Variants in UBR4 observed in about 807,000 individuals in gnomAD.
UBR4 encodes E3 ubiquitin-protein ligase UBR4.
In UBR4, 124 loss-of-function variants were observed where a neutral mutation model predicts 575.6. The ratio of observed to expected loss-of-function variants is 0.22; its 90% CI spans 0.19 to 0.25. UBR4 has a LOEUF of 0.25. Ranked by LOEUF, UBR4 falls within the 10% of genes least tolerant of loss-of-function variation. The pLI is 1.00. For missense variants in UBR4, 4,818 were observed against 6,478.8 expected (o/e 0.74, Z 8.80); for synonymous variants, 2,455 against 2,473.7 (o/e 0.99, Z 0.22).
intron 90 of UBR4, 106 bp from the exon 91 acceptor site, chr1:19,097,386 A>G (rs933850321): frequency 3.6e-6 from 3 of 832,952 alleles, no homozygotes; most frequent in African/African-American, 1.7e-5. Context: ...GAGAGCCTCT[A>G]TTTTTCTACA....
At chr1:19,126,366 T>G in intron 64 of UBR4, 80 bp downstream of exon 64, 1 of 1,556,338 alleles carries the variant, frequency 6.4e-7, no homozygotes, top group Non-Finnish European at 8.8e-7. Context: ...CTCAGCCCCT[T>G]GAGCTCTCTG....
intron 99 of UBR4, among the ~76,000 whole-genome samples, chr1:19,087,176 G>C (rs2077096957): frequency 6.6e-6 from 1 of 152,232 alleles, no homozygotes; most frequent in Admixed American, 6.5e-5. Flanking sequence ...TTCAAAACCT[G>C]CTGGGCAGCT....
chr1:19,094,300 T>C (rs976539016), intron 94 of UBR4, among the ~76,000 whole-genome samples, 161 bp from the exon 95 acceptor site: 1 of 152,104 alleles, frequency 6.6e-6, no homozygotes, highest in Non-Finnish European at 1.5e-5. Context: ...ACAGTCGGAG[T>C]TTCACTTGAG....
Position 19,185,206 on chromosome 1 carries a change from G to C in UBR4, c.1831C>G (p.Pro611Ala), listed in dbSNP as rs1473926603. Residue 611 changes from proline (P) to alanine (A), a missense_variant, in exon 15 of 106, where the codon CCT becomes GCT. Coordinates refer to ENST00000375254, the MANE Select transcript of UBR4 (RefSeq NM_020765.3). ...CTTTCCAGTGGAGGAGGTGGGGGAG[G>C]AGGCGGAGGTGCTGCTTTCTCTTTA... ...PSKEKAAPPP[P>A]PPPPPLESSP... The C allele has an allele frequency of 6.2e-7, 1 of 1,613,954 alleles. No homozygotes were observed. Among genetic ancestry groups the C allele is most frequent in the Admixed American group, 1.7e-5 (1 of 59,980 alleles).
chr1:19,100,404 G>C lies in UBR4; in HGVS notation c.13193C>G (p.Ala4398Gly), dbSNP rs1430172569. ...NKICQDCDLV[A>G]LLEDDSGMEL... ...CATGCCACTGTCATCTTCCAGGAGG[G>C]CCACTAAGTCACAGTCCTGGCAAAT... is the stretch of plus-strand genomic sequence containing the variant. The change falls in exon 89 of 106, where the codon GCC becomes GGC. Residue 4398 changes from alanine (A) to glycine (G), a missense_variant. Ala to Gly is a moderately conservative substitution (Grantham distance 60). This residue lies in a region of UBR4 where 105 missense variants were observed against 232.8 expected (regional missense o/e 0.45). Transcript: ENST00000375254. This position sits in a 1 kb window ranked among gnomAD's most constrained non-coding sequence, Gnocchi z 4.2. 1 of 1,614,126 alleles carries C rather than the reference G, an allele frequency of 6.2e-7. No individual in the cohort carries two copies. Among genetic ancestry groups the C allele is most frequent in the Admixed American group, 1.7e-5 (1 of 60,022 alleles).
intron 103 of UBR4, chr1:19,080,172 G>T (rs931628793): frequency 6.6e-6 from 1 of 152,174 alleles, no homozygotes; most frequent in African/African-American, 2.4e-5. Flanking sequence ...TCTAACTTTT[G>T]ATTTCCAGCA....
intron 105 of UBR4, 56 bp downstream of exon 105, chr1:19,076,684 G>T: frequency 6.2e-7 from 1 of 1,610,666 alleles, no homozygotes; most frequent in South Asian, 1.1e-5. Flanking sequence ...ACCCACGGAG[G>T]AAGACATGGG....
chr1:19,120,139 T>C (rs1212087935), intron 69 of UBR4, 41 bp downstream of exon 69: 2 of 1,606,136 alleles, frequency 1.2e-6, no homozygotes, highest in Non-Finnish European at 1.7e-6. Context: ...CACCCTGGCC[T>C]CACACCCTTG....
intron 7 of UBR4, 80 bp from the exon 8 acceptor site, chr1:19,197,345 T>G (rs964910075): frequency 5.4e-5 from 85 of 1,584,458 alleles, no homozygotes; most frequent in Non-Finnish European, 7.2e-5. Flanking sequence ...ATTATCAGCA[T>G]GGGCCCGGCA....
intron 19 of UBR4, 112 bp downstream of exon 19, chr1:19,177,349 A>T: frequency 7.1e-7 from 1 of 1,414,320 alleles, no homozygotes; most frequent in Non-Finnish European, 9.6e-7. Context: ...TCAACCTACC[A>T]AAACCTAAAA....
In UBR4 at chr1:19,093,851, T is replaced by C; in HGVS notation, c.13937+98A>G. 1 of 1,373,236 alleles carries C rather than the reference T, an allele frequency of 7.3e-7. No individual in the cohort carries two copies. Among genetic ancestry groups the C allele is most frequent in the Non-Finnish European group, 9.8e-7 (1 of 1,015,608 alleles). The allele number at this position is 1,373,236 out of a possible 1,614,324, so 85.1% of individuals were successfully genotyped here. On this transcript the variant is annotated intron_variant, in intron 95 of 105. Transcript: ENST00000375254. This position sits in a 1 kb window ranked among gnomAD's most constrained non-coding sequence, Gnocchi z 4.8. The stretch of plus-strand genomic sequence containing the variant: ...AAAAGCCAGAACGAGGACACAAAAA[T>C]CTAATAGGTATTCAGAGGATTCTTC...
At chr1:19,140,675 AG>A (rs2083791332) in intron 58 of UBR4, 112 bp downstream of exon 58, 2 of 1,086,458 alleles carry the variant, frequency 1.8e-6, no homozygotes, top group Admixed American at 2.1e-5. Flanking sequence ...AGGCAGAAGC[AG>A]GAAGTCCAGA....
chr1:19,098,793 CAGA>C lies in UBR4; in HGVS notation c.13302+801_13302+803del, dbSNP rs536932936. On this transcript the variant is annotated intron_variant, in intron 90 of 105. Coordinates refer to ENST00000375254, the MANE Select transcript of UBR4 (RefSeq NM_020765.3). The stretch of plus-strand genomic sequence containing the variant: ...TGCCAATTTAGTTTCTCAAACTCTA[CAGA>C]AGTATTTGGGACCAAGTCTAGAAAA... Among the ~76,000 whole-genome samples, 600 of 152,312 alleles carry C rather than the reference CAGA, an allele frequency of 3.9e-3. 4 individuals carry two copies. The highest frequency in any genetic ancestry group is 0.014 in the Middle Eastern group (4 of 294).
intron 2 of UBR4, 103 bp downstream of exon 2, chr1:19,201,615 A>G: frequency 1.0e-6 from 1 of 1,003,308 alleles, no homozygotes; most frequent in South Asian, 1.6e-5. Flanking sequence ...GAGTGCTAAA[A>G]CCTAGACTTC....
rs763117665 is a variant in UBR4 at position 19,153,789 on chromosome 1, C to A, written c.6609G>T (p.Lys2203Asn). 1.9e-6 allele frequency: 3 copies of A among 1,614,112 alleles called. No individual in the cohort carries two copies. Among genetic ancestry groups the A allele is most frequent in the Non-Finnish European group, 2.5e-6 (3 of 1,179,984 alleles). The change falls in exon 45 of 106, where the codon AAG (lysine) becomes AAT (asparagine). Residue 2203 changes from lysine (K) to asparagine (N), a missense_variant. Around this residue, in one of 29 missense-constraint regions of UBR4, gnomAD observed 461 missense variants for 606.9 expected, o/e 0.76. Coordinates refer to ENST00000375254, the MANE Select transcript of UBR4 (RefSeq NM_020765.3). This position sits in a 1 kb window ranked among gnomAD's most constrained non-coding sequence, Gnocchi z 4.1. ...TGACCTTCGCTTTAGCAGGAAGAGT[C>A]TTAATCTCCTGGATAAGAAAAGTGT... The part of the protein sequence containing the change: ...KPDTFLIQEI[K>N]TLPAKAKIQD...
Position 19,197,238 on chromosome 1 carries a change from A to G in UBR4, c.921T>C (p.Thr307=). The change falls in exon 8 of 106, where the codon ACT becomes ACC. Residue 307 remains threonine, a synonymous_variant. Transcript: ENST00000375254. ...GTAGAGAAAGGGTATCCAATGCCAT[A>G]GTTACATCAATCACCAATGAATGAA... ...NGFHSLVIDV[T]MALDTLSLPV... 6.2e-7 allele frequency: 1 copy of G among 1,614,204 alleles called. No homozygotes were observed.
At position 19,162,538 on chromosome 1, in the gene UBR4, C is replaced by A; in HGVS notation, c.4838G>T (p.Ser1613Ile). The A allele has an allele frequency of 6.2e-7, 1 of 1,614,198 alleles. No homozygotes were observed. Residue 1613 changes from serine (S) to isoleucine (I), a missense_variant, in exon 35 of 106, where the codon AGT (serine) becomes ATT (isoleucine). By Grantham distance (142) the Ser-to-Ile change is moderately radical. Transcript: ENST00000375254. ...GAGATGACTTGGGCCTTGACCATTA[C>A]TCTGGCTCAGGGCATTCGTGACATC... is the stretch of plus-strand genomic sequence containing the variant. ...LADVTNALSQSNGQGPSHLSV... is the reference protein window; with the variant it reads ...LADVTNALSQINGQGPSHLSV...
chr1:19,177,811 G>A, intron 18 of UBR4, 68 bp from the exon 19 acceptor site: 1 of 1,507,228 alleles, frequency 6.6e-7, no homozygotes, highest in Non-Finnish European at 8.9e-7. Context: ...ATAATGTCAA[G>A]CACTAGAAGA....
At chr1:19,144,117 G>T in intron 54 of UBR4, 26 bp from the exon 55 acceptor site, 1 of 1,594,014 alleles carries the variant, frequency 6.3e-7, no homozygotes, top group Non-Finnish European at 8.6e-7. Context: ...AAACTGTCAC[G>T]CTTTGCTCTC....
Sources: gnomAD v4.1 joint callset for allele counts (sites outside exome capture counted in the v4.1 genomes callset) on GRCh38, gnomAD v4.1.1 for gene constraint, gnomAD v4.1.1 regional missense constraint, Gnocchi (gnomAD v3.1) non-coding constraint, MANE v1.5 for transcripts, NCBI Gene and HGNC (gene_info 2026-07-23, HGNC 2026-07-21) for gene names.